CUBN: variants seen among roughly 807,000 people sequenced by gnomAD.
CUBN encodes the protein cubilin.
In CUBN, 282 loss-of-function variants were observed where a neutral mutation model predicts 405.3. The observed-to-expected ratio is 0.70, with a 90% confidence interval of 0.63 to 0.77. CUBN has a LOEUF of 0.77. Among genes scored for constraint, CUBN ranks in the 30% least tolerant of loss-of-function variants. CUBN has a pLI of 0.00. For synonymous variants in CUBN, 1,684 were observed against 1,617.0 expected, an observed-to-expected ratio of 1.04 and a Z score of -0.99; for missense variants, 4,514 against 4,475.2, an observed-to-expected ratio of 1.01 and a Z score of -0.25.
chr10:16,828,514 T>A (rs913754192), intron 66 of CUBN, among the ~76,000 whole-genome samples: 3 of 152,110 alleles, frequency 2.0e-5, no homozygotes, highest in African/African-American at 7.2e-5. Context: ...GGTCAGGAGT[T>A]CGAGACCAGC....
chr10:16,929,350 A>G (rs528372050), intron 40 of CUBN, among the ~76,000 whole-genome samples: 1 of 152,320 alleles, frequency 6.6e-6, no homozygotes, highest in East Asian at 1.9e-4. Context: ...AAAGGGGATT[A>G]TAGCAGACTT....
In CUBN at chr10:17,019,834, G is replaced by A. The variant is rs150510291; in HGVS notation, c.4167C>T (p.Tyr1389=). ...EKGFQMQWFV[Y]GCGGELSGAT... is the part of the protein sequence containing the mutation. ...AACTGAGATCAGCACCTGGCTTACC[G>A]TAAACAAACCACTGCATCTGAAATC... Residue 1389 remains tyrosine (Y), a splice_region_variant and synonymous_variant, in exon 28 of 67, where the codon TAC becomes TAT. Transcript: ENST00000377833. 221 of 1,614,020 alleles carry A rather than the reference G, an allele frequency of 1.4e-4. No individual in the cohort carries two copies. Among genetic ancestry groups the A allele is most frequent in the African/African-American group, 8.9e-4 (67 of 75,016 alleles).
intron 16 of CUBN, 57 bp from the exon 17 acceptor site, chr10:17,084,518 G>T: frequency 6.8e-7 from 1 of 1,468,330 alleles, no homozygotes; most frequent in Non-Finnish European, 9.4e-7. Flanking sequence ...TGGCTTGCAG[G>T]CATTGGATCC....
chr10:17,060,601 G>C (rs1461306383), intron 22 of CUBN, among the ~76,000 whole-genome samples: 2 of 152,308 alleles, frequency 1.3e-5, no homozygotes, highest in Non-Finnish European at 1.5e-5. Flanking sequence ...AAAATTATGA[G>C]AAAACACTAG....
intron 36 of CUBN, among the ~76,000 whole-genome samples, chr10:16,942,968 A>G (rs1842696240): frequency 6.6e-6 from 1 of 152,174 alleles, no homozygotes; most frequent in Admixed American, 6.5e-5. Context: ...TTAATGCTCA[A>G]CATTATCCAT....
At chr10:16,982,705 A>C (rs776880417) in intron 30 of CUBN, 52 bp from the exon 31 acceptor site, 1 of 1,488,774 alleles carries the variant, frequency 6.7e-7, no homozygotes. Context: ...GATGCTCGAA[A>C]ATAATCCATT....
chr10:17,088,518 T>G (rs1430988527), intron 14 of CUBN, among the ~76,000 whole-genome samples, 173 bp from the exon 15 acceptor site: 1 of 152,198 alleles, frequency 6.6e-6, no homozygotes, highest in African/African-American at 2.4e-5. Flanking sequence ...AAGTTACAAG[T>G]CTAGAAGTAT....
At chr10:17,126,712 T>C (rs770483128) in intron 4 of CUBN, 49 bp downstream of exon 4, 2 of 1,575,002 alleles carry the variant, frequency 1.3e-6, no homozygotes, top group Non-Finnish European at 1.7e-6. Flanking sequence ...TTAATGATTC[T>C]AGTATGTTTT....
intron 31 of CUBN, among the ~76,000 whole-genome samples, chr10:16,974,235 G>C (rs1015007307): frequency 6.6e-6 from 1 of 152,158 alleles, no homozygotes; most frequent in Non-Finnish European, 1.5e-5. Context: ...AACACAGCTA[G>C]AATATCACAA....
chr10:17,073,496 G>C (rs917965163), intron 17 of CUBN, among the ~76,000 whole-genome samples: 4 of 145,540 alleles, frequency 2.7e-5, no homozygotes, highest in Non-Finnish European at 4.5e-5. Context: ...ACCCAGGCTG[G>C]AGTGCAATGG....
At chr10:17,086,646 G>A (rs1836117059) in intron 15 of CUBN, among the ~76,000 whole-genome samples, 1 of 151,966 alleles carries the variant, frequency 6.6e-6, no homozygotes, top group African/African-American at 2.4e-5. Flanking sequence ...CTATAATTTT[G>A]TTGTAATTGC....
Position 17,044,995 on chromosome 10 carries a change from C to T in CUBN, c.3672+12G>A. ...GGAGCAGGGAACAATATGATGGAAA[C>T]ATTATACATACAGCCAGGTAATCTA... On this transcript the variant is annotated intron_variant, in intron 25 of 66. Transcript: ENST00000377833. 1 of 1,612,656 alleles carries T rather than the reference C, an allele frequency of 6.2e-7. No individual in the cohort carries two copies. The highest frequency in any genetic ancestry group is 8.5e-7 in the Non-Finnish European group (1 of 1,178,756).
Position 16,916,663 on chromosome 10 carries a change from AAT to A in CUBN, c.7001-635_7001-634del, listed in dbSNP as rs1157499720. On this transcript the variant is annotated intron_variant, in intron 45 of 66. Transcript: ENST00000377833. ...GGCTTTCTGAACTTTCGCGGTATTA[AAT>A]ATTTGTTTGGTTTGTGTCTAAACCT... Among the ~76,000 whole-genome samples, 5 of 152,262 alleles carry A rather than the reference AAT, an allele frequency of 3.3e-5. No individual in the cohort carries two copies. The South Asian group carries it at 6.2e-4, about 19-fold the overall frequency.
chr10:17,019,951 G>A lies in CUBN; in HGVS notation c.4050C>T (p.Tyr1350=), dbSNP rs1173770632. ...LYDGPRQMGR[Y]CGVDLPPPGS... is the part of the protein sequence containing the mutation. ...CTGGAGGGGGCAGGTCTACTCCACA[G>A]TAGCGTCCCATCTGCCGTGGTCCAT... Residue 1350 remains tyrosine, a synonymous_variant, in exon 28 of 67, where the codon TAC becomes TAT. Transcript: ENST00000377833. The A allele has an allele frequency of 6.2e-7, 1 of 1,614,116 alleles. No individual in the cohort carries two copies. The highest frequency in any genetic ancestry group is 2.2e-5 in the East Asian group (1 of 44,874).
chr10:16,977,509 C>A (rs904749064), intron 31 of CUBN, among the ~76,000 whole-genome samples: 10 of 152,154 alleles, frequency 6.6e-5, no homozygotes, highest in African/African-American at 2.4e-4. Context: ...GATCATCTTC[C>A]CTTTCCACCC....
intron 43 of CUBN, among the ~76,000 whole-genome samples, chr10:16,922,422 C>A (rs1048941067): frequency 6.6e-6 from 1 of 152,144 alleles, no homozygotes; most frequent in African/African-American, 2.4e-5. Context: ...TTCATCTGGT[C>A]TCTCTCTCTT....
At chr10:16,840,633 G>A (rs1839318576) in intron 61 of CUBN, 98 bp from the exon 62 acceptor site, 3 of 1,055,906 alleles carry the variant, frequency 2.8e-6, no homozygotes, top group Non-Finnish European at 4.3e-6. Context: ...CACCCCGGAG[G>A]AGCTATATTT....
intron 28 of CUBN, among the ~76,000 whole-genome samples, chr10:17,017,559 C>T (rs1190753361): frequency 6.6e-6 from 1 of 152,124 alleles, no homozygotes; most frequent in Admixed American, 6.5e-5. Context: ...CTTTTGTCCT[C>T]ACTTATATGA....
At chr10:17,121,856 G>A (rs1039116836) in intron 6 of CUBN, 11 of 152,258 alleles carry the variant, frequency 7.2e-5, no homozygotes, top group African/African-American at 2.6e-4. Flanking sequence ...AATCCAGTGA[G>A]ATTCTACTCC....
Sources: gnomAD v4.1 joint callset for allele counts (sites outside exome capture counted in the v4.1 genomes callset) on GRCh38, gnomAD v4.1.1 for gene constraint, MANE v1.5 for transcripts, NCBI Gene and HGNC (gene_info 2026-07-23, HGNC 2026-07-21) for gene names.